Variants in JAK1 observed in about 807,000 individuals in gnomAD.
The protein encoded by JAK1 is Janus kinase 1, also known as tyrosine-protein kinase JAK1.
A neutral mutation model predicts 136.6 loss-of-function variants in JAK1; 16 were observed. That is an observed-to-expected ratio of 0.12 (90% CI 0.08 to 0.18). The LOEUF (loss-of-function observed/expected upper bound fraction) is 0.18, where lower values mean the gene tolerates loss of function less well. Among genes scored for constraint, JAK1 ranks in the 10% least tolerant of loss-of-function variants. JAK1 has a pLI of 1.00. For synonymous variants in JAK1, 492 were observed against 519.5 expected (o/e 0.95, Z 0.72); for missense variants, 859 against 1,450.1 (o/e 0.59, Z 6.62).
At chr1:64,860,826 C>CTGTGTG (rs72032330) in intron 8 of JAK1, among the ~76,000 whole-genome samples, 1,436 of 120,256 alleles carry the variant, frequency 0.012, 38 homozygotes, top group African/African-American at 0.013. Flanking sequence ...TCAGATGACT[C>CTGTGTG]TGTGTGTGTG....
exon 1 of JAK1, chr1:65,067,652 T>C (rs1161924853): frequency 6.7e-6 from 1 of 150,032 alleles, no homozygotes; most frequent in South Asian, 1.8e-4. Context: ...CTTCCCGCTA[T>C]TTGCATGAGG....
chr1:64,842,047 TTA>T (rs1654938455), intron 17 of JAK1, among the ~76,000 whole-genome samples: 1 of 152,190 alleles, frequency 6.6e-6, no homozygotes, highest in Non-Finnish European at 1.5e-5. Context: ...AAATATAAAA[TTA>T]GTCAAGTAAA....
intron 1 of JAK1, among the ~76,000 whole-genome samples, chr1:65,066,076 C>T (rs1206377888): frequency 6.6e-6 from 1 of 152,102 alleles, no homozygotes; most frequent in East Asian, 1.9e-4. Context: ...AGAGGACTAA[C>T]TAAGAACCCT....
chr1:65,009,120 A>G (rs1224868629), intron 2 of JAK1, among the ~76,000 whole-genome samples: 1 of 152,238 alleles, frequency 6.6e-6, no homozygotes, highest in Non-Finnish European at 1.5e-5. Context: ...CCGACAGAAG[A>G]ATGGTTAAAG....
intron 2 of JAK1, among the ~76,000 whole-genome samples, chr1:65,016,377 G>T (rs552414): frequency 0.23 from 35,019 of 151,988 alleles, 5,541 homozygotes; most frequent in African/African-American, 0.43. Flanking sequence ...ATCCTAGCAC[G>T]TTGGGAGGCC....
intron 2 of JAK1, among the ~76,000 whole-genome samples, chr1:65,036,091 T>A (rs1239885447): frequency 6.6e-6 from 1 of 151,234 alleles, no homozygotes; most frequent in South Asian, 2.1e-4. Context: ...AGAGTGACAG[T>A]TTGGGATGAT....
intron 2 of JAK1, among the ~76,000 whole-genome samples, chr1:65,005,604 A>G (rs1387500107): frequency 6.6e-6 from 1 of 152,240 alleles, no homozygotes; most frequent in Non-Finnish European, 1.5e-5. Context: ...TATGCTAATT[A>G]CCCAGATTTG....
In JAK1 at chr1:64,857,761, A is replaced by G. The variant is rs766366272; in HGVS notation, c.1353T>C (p.Asn451=). 1.9e-6 allele frequency: 3 copies of G among 1,614,156 alleles called. 1 individual carries two copies. The South Asian group carries it at 3.3e-5, about 18-fold the overall frequency. The change falls in exon 10 of 25, where the codon AAT becomes AAC. Residue 451 remains asparagine (N), a synonymous_variant. Coordinates refer to ENST00000342505, the MANE Select transcript of JAK1 (RefSeq NM_002227.4). ...CCTCGCTTCCTTCTTGCCGCAATTT[A>G]TTGATGGCGTATTCTGTACTAGAGG... The part of the protein sequence containing the change: ...HGPICTEYAI[N]KLRQEGSEEG...
chr1:64,867,327 C>T (rs150073564), intron 6 of JAK1, 119 bp from the exon 7 acceptor site: 1 of 691,174 alleles, frequency 1.4e-6, no homozygotes, highest in African/African-American at 1.8e-5. Context: ...AGATCTATTC[C>T]CAGAGGACGT....
At chr1:64,850,957 G>T in intron 11 of JAK1, 47 bp from the exon 12 acceptor site, 1 of 1,339,596 alleles carries the variant, frequency 7.5e-7, no homozygotes, top group Non-Finnish European at 1.1e-6. Flanking sequence ...CAAGATCCGA[G>T]CTCTCAGACA....
At chr1:64,981,099 G>A (rs1557741038) in intron 2 of JAK1, among the ~76,000 whole-genome samples, 1 of 152,112 alleles carries the variant, frequency 6.6e-6, no homozygotes, top group Non-Finnish European at 1.5e-5. Flanking sequence ...GGCACCAGCT[G>A]TAAAACAATG....
intron 1 of JAK1, among the ~76,000 whole-genome samples, chr1:65,054,732 T>C (rs1199170135): frequency 6.6e-6 from 1 of 151,826 alleles, no homozygotes; most frequent in Non-Finnish European, 1.5e-5. Flanking sequence ...AGGTGACTTC[T>C]TGTCCACGCC....
intron 1 of JAK1, among the ~76,000 whole-genome samples, chr1:64,912,493 G>A (rs553313832): frequency 2.8e-4 from 42 of 152,244 alleles, no homozygotes; most frequent in African/African-American, 9.2e-4. Flanking sequence ...CATAACCAAC[G>A]TCTTCTAAAC....
chr1:64,866,534 A>G (rs1656717709), intron 7 of JAK1, among the ~76,000 whole-genome samples: 1 of 152,180 alleles, frequency 6.6e-6, no homozygotes, highest in Non-Finnish European at 1.5e-5. Flanking sequence ...CTTCCCTCAA[A>G]GGTTTTTTTA....
chr1:64,987,185 T>C (rs1646608078), intron 2 of JAK1: 1 of 152,168 alleles, frequency 6.6e-6, no homozygotes, highest in Non-Finnish European at 1.5e-5. Flanking sequence ...TTTCCCAGAG[T>C]ACTTTGCATG....
At chr1:65,039,381 G>T (rs1387892519) in intron 2 of JAK1, among the ~76,000 whole-genome samples, 1 of 152,080 alleles carries the variant, frequency 6.6e-6, no homozygotes, top group Admixed American at 6.5e-5. Context: ...CTTATCCAAT[G>T]TTTCCTATAT....
chr1:65,016,257 C>T (rs1236570781), intron 2 of JAK1, among the ~76,000 whole-genome samples: 3 of 152,056 alleles, frequency 2.0e-5, no homozygotes, highest in Non-Finnish European at 4.4e-5. Flanking sequence ...AAAAAGTTTT[C>T]GAAGTAGATA....
intron 1 of JAK1, among the ~76,000 whole-genome samples, chr1:64,889,695 A>G (rs939269213): frequency 4.4e-4 from 67 of 152,374 alleles, no homozygotes; most frequent in African/African-American, 1.4e-3. Flanking sequence ...TCCAAGATGC[A>G]AAATTCCAGA....
At chr1:65,027,250 A>G (rs1241838993) in intron 2 of JAK1, among the ~76,000 whole-genome samples, 1 of 151,672 alleles carries the variant, frequency 6.6e-6, no homozygotes, top group Non-Finnish European at 1.5e-5. Flanking sequence ...TTCTTTTAGT[A>G]GAGATGGGGT....
Sources: gnomAD v4.1 joint callset for allele counts (sites outside exome capture counted in the v4.1 genomes callset) on GRCh38, gnomAD v4.1.1 for gene constraint, MANE v1.5 for transcripts, NCBI Gene and HGNC (gene_info 2026-07-23, HGNC 2026-07-21) for gene names.